The following RNF125 variants were observed in gnomAD, a reference collection of about 807,000 sequenced individuals.
The protein encoded by RNF125 is E3 ubiquitin-protein ligase RNF125.
Under a neutral mutation model 26.0 loss-of-function variants are expected in RNF125, and 21 were observed. That is an observed-to-expected ratio of 0.81 (90% CI 0.57 to 1.16). RNF125 has a LOEUF of 1.16. RNF125 is among the 50% of genes most tolerant of loss of function. The pLI is 0.00. For synonymous variants in RNF125, 95 were observed against 109.2 expected (o/e 0.87, Z 0.81); for missense variants, 270 against 299.4 (o/e 0.90, Z 0.72).
the RNF125 span, among the ~76,000 whole-genome samples, chr18:32,082,466 A>G: frequency 6.6e-6 from 1 of 152,218 alleles, no homozygotes; most frequent in African/African-American, 2.4e-5. Context: ...TAGATTCAGG[A>G]TGCTGTGAAT....
At chr18:32,042,738 G>C (rs917307068) in intron 3 of RNF125, among the ~76,000 whole-genome samples, 1 of 150,178 alleles carries the variant, frequency 6.7e-6, no homozygotes, top group African/African-American at 2.5e-5. Flanking sequence ...GGCTGGGCAG[G>C]CATCCTGAAT....
chr18:32,029,213 G>A (rs1022943089), intron 1 of RNF125, among the ~76,000 whole-genome samples: 28 of 152,178 alleles, frequency 1.8e-4, no homozygotes, highest in African/African-American at 5.1e-4. Context: ...TATTCATATT[G>A]CTGTATCAGT....
chr18:32,045,800 T>A, intron 4 of RNF125, 68 bp downstream of exon 4: 1 of 952,430 alleles, frequency 1.0e-6, no homozygotes, highest in East Asian at 2.5e-5. Context: ...ATCCATTTAA[T>A]AGATTTATAT....
chr18:32,046,101 C>T (rs1230717438), intron 4 of RNF125, among the ~76,000 whole-genome samples: 1 of 150,968 alleles, frequency 6.6e-6, no homozygotes, highest in African/African-American at 2.4e-5. Flanking sequence ...TGTGTAATCC[C>T]AGCTACTAGG....
the RNF125 span, among the ~76,000 whole-genome samples, chr18:32,080,835 C>T: frequency 6.6e-6 from 1 of 152,162 alleles, no homozygotes; most frequent in Non-Finnish European, 1.5e-5. Context: ...AAGATGGCGC[C>T]ACTGCACTCT....
intron 2 of RNF125, among the ~76,000 whole-genome samples, chr18:32,041,396 C>T (rs1211940576): frequency 6.6e-6 from 1 of 152,110 alleles, no homozygotes; most frequent in African/African-American, 2.4e-5. Context: ...TTTCATTTAA[C>T]TTGCTATGGG....
intron 4 of RNF125, among the ~76,000 whole-genome samples, chr18:32,055,139 C>A (rs1208098097): frequency 2.6e-5 from 4 of 151,338 alleles, no homozygotes; most frequent in Non-Finnish European, 5.9e-5. Flanking sequence ...TCTACAACAA[C>A]AACAACAAAA....
At chr18:32,050,488 TTTAA>T (rs989974070) in intron 4 of RNF125, among the ~76,000 whole-genome samples, 40 of 152,264 alleles carry the variant, frequency 2.6e-4, no homozygotes, top group African/African-American at 9.6e-4. Flanking sequence ...TGGATAATTC[TTTAA>T]TTATTATTTT....
At chr18:32,048,711 T>C (rs1037390315) in intron 4 of RNF125, among the ~76,000 whole-genome samples, 1 of 152,078 alleles carries the variant, frequency 6.6e-6, no homozygotes, top group Non-Finnish European at 1.5e-5. Flanking sequence ...CTTAATGGCC[T>C]AGGGAGTTGG....
Position 32,071,976 on chromosome 18 carries a change from G to A in RNF125, c.*3592G>A, listed in dbSNP as rs1042118339. ...GAGGTGGAGGGTCTCATGAGCCCAG[G>A]AGTTCAAGACCAACCTGGGCAATAT... On this transcript the variant is annotated 3_prime_UTR_variant, in exon 6 of 6. Coordinates refer to ENST00000217740, the MANE Select transcript of RNF125 (RefSeq NM_017831.4). The A allele has an allele frequency of 3.9e-5, 6 of 152,158 alleles. No individual in the cohort carries two copies. Among genetic ancestry groups the A allele is most frequent in the Non-Finnish European group, 8.8e-5 (6 of 68,054 alleles). The allele number at this position is 152,158 out of a possible 1,614,324, so 9.4% of individuals were successfully genotyped here.
chr18:32,063,438 TAAAG>T (rs768995305), intron 4 of RNF125, among the ~76,000 whole-genome samples: 1 of 151,590 alleles, frequency 6.6e-6, no homozygotes, highest in Non-Finnish European at 1.5e-5. Context: ...TTGGGGAAAA[TAAAG>T]AAAAACTGAA....
At chr18:32,034,856 A>C (rs2039136545) in intron 1 of RNF125, among the ~76,000 whole-genome samples, 1 of 147,786 alleles carries the variant, frequency 6.8e-6, no homozygotes, top group Admixed American at 7.0e-5. Flanking sequence ...CGGAGGTTGC[A>C]GTGAGCCGAG....
Position 32,055,259 on chromosome 18 carries a change from G to A in RNF125, c.504+9527G>A, listed in dbSNP as rs144821596. Among the ~76,000 whole-genome samples, 14 of 149,566 alleles carry A rather than the reference G, an allele frequency of 9.4e-5. No individual in the cohort carries two copies. The East Asian group carries it at 2.4e-3, about 25-fold the overall frequency. ...GGCTGCAGTGAGCTATGATGGCACC[G>A]CTGCACTCCAGCCTGGGCAACAAAA... On this transcript the variant is annotated intron_variant, in intron 4 of 5. Transcript: ENST00000217740.
the RNF125 span, among the ~76,000 whole-genome samples, chr18:32,081,108 C>T: frequency 6.7e-6 from 1 of 148,184 alleles, no homozygotes; most frequent in Non-Finnish European, 1.5e-5. Flanking sequence ...GCAGGAGAAT[C>T]GCTTGCATCC....
chr18:32,020,002 C>CTGTGTGTGTGTGTGTG (rs149126113), intron 1 of RNF125, among the ~76,000 whole-genome samples: 259 of 149,986 alleles, frequency 1.7e-3, no homozygotes, highest in African/African-American at 6.1e-3. Context: ...TCTCTGTTTA[C>CTGTGTGTGTGTGTGTG]TGTGTGTGTG....
the RNF125 span, among the ~76,000 whole-genome samples, chr18:32,088,551 G>A: frequency 6.6e-6 from 1 of 152,248 alleles, no homozygotes; most frequent in East Asian, 1.9e-4. Flanking sequence ...CACCCAGGCT[G>A]GAGAGCAGTG....
At chr18:32,038,651 C>G (rs2144467890) in intron 2 of RNF125, among the ~76,000 whole-genome samples, 1 of 152,278 alleles carries the variant, frequency 6.6e-6, no homozygotes, top group Admixed American at 6.5e-5. Context: ...ATCAGCTTCC[C>G]CAGATCATGT....
At position 32,072,719 on chromosome 18, in the gene RNF125, G is replaced by A. The variant is rs562019936; in HGVS notation, c.*4335G>A. 2 of 152,302 alleles carry A rather than the reference G, an allele frequency of 1.3e-5. No homozygotes were observed. The highest frequency in any genetic ancestry group is 6.5e-5 in the Admixed American group (1 of 15,290). 9.4% of individuals were successfully genotyped at this position (152,302 alleles called of 1,614,324 possible). ...GAAGCTGTTGATTACCAACAAAAAA[G>A]TTTCACTCTCTTTATAGTGCTTCAG... On this transcript the variant is annotated 3_prime_UTR_variant, in exon 6 of 6. Transcript: ENST00000217740.
chr18:32,050,928 C>G (rs1382234005), intron 4 of RNF125, among the ~76,000 whole-genome samples: 2 of 112,220 alleles, frequency 1.8e-5, no homozygotes, highest in Non-Finnish European at 3.4e-5. Context: ...CATCATGTTG[C>G]CCAGGCTGAG....
Sources: allele counts gnomAD v4.1 joint callset (sites outside exome capture counted in the v4.1 genomes callset), GRCh38; gene constraint gnomAD v4.1.1; transcripts MANE v1.5; gene names NCBI Gene and HGNC (gene_info 2026-07-23, HGNC 2026-07-21).